PIWIL3: variants seen among roughly 807,000 people sequenced by gnomAD.
The protein encoded by PIWIL3 is piwi-like protein 3.
Under a neutral mutation model 109.7 loss-of-function variants are expected in PIWIL3, and 101 were observed. The ratio of observed to expected loss-of-function variants is 0.92; its 90% CI spans 0.78 to 1.09. PIWIL3 has a LOEUF of 1.09. PIWIL3 is among the 50% of genes least tolerant of loss of function. The pLI, the probability that PIWIL3 is intolerant of heterozygous loss-of-function variation, is 0.00. For missense variants in PIWIL3, 1,031 were observed against 1,072.6 expected, an observed-to-expected ratio of 0.96 and a Z score of 0.54; for synonymous variants, 373 against 376.4, an observed-to-expected ratio of 0.99 and a Z score of 0.10.
chr22:24,754,148 A>G lies in PIWIL3; in HGVS notation c.843T>C (p.Cys281=). 1.2e-6 allele frequency: 2 copies of G among 1,614,106 alleles called. No individual in the cohort carries two copies. Among genetic ancestry groups the G allele is most frequent in the Non-Finnish European group, 1.7e-6 (2 of 1,179,954 alleles). Reference sequence around the variant, plus strand: ...GGAGCAGTTTGTGGCTCACATCGGCACAGAGGGTAATGCTGTTTTCGTATT... The same window carrying G: ...GGAGCAGTTTGTGGCTCACATCGGCGCAGAGGGTAATGCTGTTTTCGTATT... ...VLQYENSITL[C]ADVSHKLLRI... is the part of the protein sequence containing the mutation. Residue 281 remains cysteine, a synonymous_variant, in exon 8 of 21, where the codon TGT becomes TGC. Coordinates refer to ENST00000616349, the MANE Select transcript of PIWIL3 (RefSeq NM_001255975.1).
At chr22:24,757,079 C>CAAAAAAAAAAAAAA (rs71189275) in intron 4 of PIWIL3, among the ~76,000 whole-genome samples, 56 of 91,708 alleles carry the variant, frequency 6.1e-4, no homozygotes, top group Non-Finnish European at 7.6e-4. Context: ...AACTCCGTCT[C>CAAAAAAAAAAAAAA]AAAAAAAAAA....
At chr22:24,773,703 ATTTT>A (rs61034646) in intron 1 of PIWIL3, among the ~76,000 whole-genome samples, 30,119 of 108,220 alleles carry the variant, frequency 0.28, 2,866 homozygotes, top group East Asian at 0.46. Context: ...GACACTCTAG[ATTTT>A]TTTTTTTTTT....
intron 2 of PIWIL3, chr22:24,761,839 G>T: frequency 3.4e-6 from 2 of 595,664 alleles, no homozygotes; most frequent in Non-Finnish European, 4.2e-6. Flanking sequence ...GGGCTTAGGA[G>T]AAGGAGAGGA....
intron 2 of PIWIL3, chr22:24,761,736 G>T: frequency 6.4e-6 from 1 of 156,274 alleles, no homozygotes; most frequent in Non-Finnish European, 1.4e-5. Context: ...GGGAGCCACT[G>T]ACACTCTCAT....
In PIWIL3 at chr22:24,764,625, C is replaced by CGTGTGTGTGTGTGTGTGTGTGTGTGTGT. The variant is rs140531011; in HGVS notation, c.-22-2132_-22-2105dup. Reference sequence around the variant, plus strand: ...TTTCTGTCATTCTTTTTGACCTTGCCGTGTGTGTGTGTGTGTGTGTGTGTG... The same window carrying CGTGTGTGTGTGTGTGTGTGTGTGTGTGT: ...TTTCTGTCATTCTTTTTGACCTTGCCGTGTGTGTGTGTGTGTGTGTGTGTGTGTGTGTGTGTGTGTGTGTGTGTGTGTG... On this transcript the variant is annotated intron_variant, in intron 1 of 20. Coordinates refer to ENST00000616349, the MANE Select transcript of PIWIL3 (RefSeq NM_001255975.1). Among the ~76,000 whole-genome samples, 189 of 134,688 alleles carry CGTGTGTGTGTGTGTGTGTGTGTGTGTGT rather than the reference C, an allele frequency of 1.4e-3. 7 individuals are homozygous for CGTGTGTGTGTGTGTGTGTGTGTGTGTGT. The highest frequency in any genetic ancestry group is 3.8e-3 in the Middle Eastern group (1 of 262). 88.4% of individuals were successfully genotyped at this position (134,688 alleles called of 152,430 possible).
rs1250845531 is a variant in PIWIL3, at chr22:24,727,934, A to G, written c.2009+16T>C. ...AGTCAGCTACTAACTAAACATGTCT[A>G]CCAGAGCTTACTTACTTTGTTAATT... On this transcript the variant is annotated intron_variant, in intron 16 of 20. Coordinates refer to ENST00000616349, the MANE Select transcript of PIWIL3 (RefSeq NM_001255975.1). 2 of 1,590,064 alleles carry G rather than the reference A, an allele frequency of 1.3e-6. No individual in the cohort carries two copies. Among genetic ancestry groups the G allele is most frequent in the East Asian group, 2.2e-5 (1 of 44,780 alleles).
At chr22:24,750,301 G>A (rs1945100995) in intron 9 of PIWIL3, among the ~76,000 whole-genome samples, 1 of 151,924 alleles carries the variant, frequency 6.6e-6, no homozygotes, top group African/African-American at 2.4e-5. Flanking sequence ...GCCCTGGCTG[G>A]CCAAAAGTGG....
At chr22:24,753,870 C>T (rs1393619819) in intron 8 of PIWIL3, 144 bp downstream of exon 8, 1 of 669,128 alleles carries the variant, frequency 1.5e-6, no homozygotes, top group African/African-American at 1.8e-5. Flanking sequence ...GTTGTATAAC[C>T]AGAGGAGAGA....
At chr22:24,743,051 A>G (rs1924103305) in intron 12 of PIWIL3, among the ~76,000 whole-genome samples, 1 of 152,190 alleles carries the variant, frequency 6.6e-6, no homozygotes. Context: ...AAAGAAAACA[A>G]TCCCATCAAA....
chr22:24,757,843 G>GA (rs61691049), intron 4 of PIWIL3, 65 bp downstream of exon 4: 28,408 of 1,316,848 alleles, frequency 0.022, 32 homozygotes, highest in African/African-American at 0.054. Context: ...GTCTCTCAAT[G>GA]AAAAAAAAAA....
chr22:24,750,836 G>A lies in PIWIL3; in HGVS notation c.1089+551C>T, dbSNP rs149660595. 1.2e-3 allele frequency among the ~76,000 whole-genome samples: 186 copies of A among 150,072 alleles called. 1 individual carries two copies. Among genetic ancestry groups the A allele is most frequent in the Admixed American group, 3.0e-3 (45 of 15,066 alleles). ...ACCCAACCACATTTAAAAAACTATG[G>A]TAGTAGGCTGGATGCAGTGGCTCAT... On this transcript the variant is annotated intron_variant, in intron 9 of 20. Transcript: ENST00000616349.
Position 24,754,829 on chromosome 22 carries a change from C to G in PIWIL3, c.728G>C (p.Arg243Pro). 6.2e-7 allele frequency: 1 copy of G among 1,612,982 alleles called. No homozygotes were observed. Among genetic ancestry groups the G allele is most frequent in the East Asian group, 2.2e-5 (1 of 44,804 alleles). Reference protein sequence around the residue: ...FKLLDFEQVGRNYYTKKKAIQ... With the variant: ...FKLLDFEQVGPNYYTKKKAIQ... ...GGCCTTCTTTTTGGTATAATAGTTG[C>G]GACCAACTTGTTCAAAATCCAGCAG... The change falls in exon 7 of 21, where the codon CGC becomes CCC. Residue 243 changes from arginine (R) to proline (P), a missense_variant. By Grantham distance (103) the Arg-to-Pro change is moderately radical. Transcript: ENST00000616349.
intron 14 of PIWIL3, among the ~76,000 whole-genome samples, chr22:24,728,791 G>A (rs1923152079): frequency 6.6e-6 from 1 of 152,038 alleles, no homozygotes; most frequent in Non-Finnish European, 1.5e-5. Flanking sequence ...AGTTATTCAG[G>A]TTCCAGGAAC....
Position 24,734,100 on chromosome 22 carries a change from C to G in PIWIL3, c.1691G>C (p.Arg564Thr), listed in dbSNP as rs912648757. Residue 564 changes from arginine to threonine, a missense_variant, in exon 14 of 21, where the codon AGA (arginine) becomes ACA (threonine). Arg to Thr is a moderately conservative substitution (Grantham distance 71). Coordinates refer to ENST00000616349, the MANE Select transcript of PIWIL3 (RefSeq NM_001255975.1). ...SYIDTLRKYT[R>T]PTLQMVICIL... Reference sequence around the variant, plus strand: ...GACACTTACCATCTGCAGTGTTGGTCTAGTATATTTCCGTAATGTGTCTAT... The same window carrying G: ...GACACTTACCATCTGCAGTGTTGGTGTAGTATATTTCCGTAATGTGTCTAT... 1.2e-6 allele frequency: 2 copies of G among 1,612,058 alleles called. No homozygotes were observed. Among genetic ancestry groups the G allele is most frequent in the African/African-American group, 1.3e-5 (1 of 74,844 alleles).
chr22:24,748,205 C>T (rs1434156737), intron 12 of PIWIL3, among the ~76,000 whole-genome samples: 1 of 152,116 alleles, frequency 6.6e-6, no homozygotes, highest in Admixed American at 6.6e-5. Context: ...CATGTTCTCA[C>T]TTATTTGTGG....
At chr22:24,752,287 T>C (rs1455421976) in intron 8 of PIWIL3, among the ~76,000 whole-genome samples, 1 of 152,246 alleles carries the variant, frequency 6.6e-6, no homozygotes, top group Non-Finnish European at 1.5e-5. Flanking sequence ...AGTTGGATGC[T>C]GGCAGTTATG....
chr22:24,764,715 C>A (rs1373604909), intron 1 of PIWIL3, among the ~76,000 whole-genome samples: 1 of 148,852 alleles, frequency 6.7e-6, no homozygotes, highest in African/African-American at 2.5e-5. Context: ...TGCAACAATG[C>A]AATCTCCACT....
At chr22:24,745,717 G>GAAAAAAA (rs71189273) in intron 12 of PIWIL3, among the ~76,000 whole-genome samples, 14 of 80,228 alleles carry the variant, frequency 1.7e-4, no homozygotes, top group Admixed American at 2.9e-4. Context: ...GTCAGACTAA[G>GAAAAAAA]AAAAAAAAAA....
At chr22:24,733,136 T>C (rs1923452404) in intron 14 of PIWIL3, among the ~76,000 whole-genome samples, 1 of 152,128 alleles carries the variant, frequency 6.6e-6, no homozygotes, top group African/African-American at 2.4e-5. Context: ...CTACAAGGGT[T>C]CCCTAGGGGC....
Sources: gnomAD v4.1 joint callset for allele counts (sites outside exome capture counted in the v4.1 genomes callset) on GRCh38, gnomAD v4.1.1 for gene constraint, MANE v1.5 for transcripts, NCBI Gene and HGNC (gene_info 2026-07-23, HGNC 2026-07-21) for gene names.